The following CSMD1 variants were observed in gnomAD, a reference collection of about 807,000 sequenced individuals.
The protein encoded by CSMD1 is CUB and Sushi multiple domains 1.
A neutral mutation model predicts 417.5 loss-of-function variants in CSMD1; 213 were observed. That is an observed-to-expected ratio of 0.51 (90% CI 0.46 to 0.57). CSMD1 has a LOEUF of 0.57. CSMD1 is among the 20% of genes least tolerant of loss of function. The pLI, the probability that CSMD1 is intolerant of heterozygous loss-of-function variation, is 0.00. For synonymous variants in CSMD1, 2,862 were observed against 1,736.8 expected (o/e 1.65, Z -16.11); for missense variants, 6,923 against 4,529.7 (o/e 1.53, Z -15.17).
At chr8:3,413,715 A>G (rs1488486304) in intron 12 of CSMD1, among the ~76,000 whole-genome samples, 2 of 152,114 alleles carry the variant, frequency 1.3e-5, no homozygotes, top group Non-Finnish European at 2.9e-5. Flanking sequence ...AAGTTTTGCA[A>G]TTTTATTTGA....
At chr8:3,166,477 T>C (rs1417372331) in intron 37 of CSMD1, among the ~76,000 whole-genome samples, 1 of 152,054 alleles carries the variant, frequency 6.6e-6, no homozygotes, top group Non-Finnish European at 1.5e-5. Flanking sequence ...GAGGTTGCAG[T>C]GAGCCAAGGT....
intron 3 of CSMD1, among the ~76,000 whole-genome samples, chr8:4,217,949 C>A (rs1800782116): frequency 6.6e-6 from 1 of 152,156 alleles, no homozygotes. Context: ...TGTGCAGAGG[C>A]TCCAGGTAAT....
chr8:4,084,854 CA>C (rs1377523003), intron 3 of CSMD1, among the ~76,000 whole-genome samples: 2 of 148,162 alleles, frequency 1.3e-5, no homozygotes, highest in Non-Finnish European at 3.0e-5. Context: ...AGAAGAATGA[CA>C]AAAGCATGGT....
intron 2 of CSMD1, among the ~76,000 whole-genome samples, chr8:4,620,804 A>G (rs924712353): frequency 4.6e-5 from 7 of 151,954 alleles, no homozygotes; most frequent in African/African-American, 1.7e-4. Context: ...AGAGAGAGCC[A>G]AATTAGTGAC....
At chr8:4,393,406 C>A (rs1251585023) in intron 3 of CSMD1, among the ~76,000 whole-genome samples, 1 of 152,172 alleles carries the variant, frequency 6.6e-6, no homozygotes, top group Non-Finnish European at 1.5e-5. Flanking sequence ...GTTGTGAAAT[C>A]ATTTAATAGG....
intron 49 of CSMD1, among the ~76,000 whole-genome samples, chr8:3,071,885 T>C (rs1211492014): frequency 6.6e-6 from 1 of 152,198 alleles, no homozygotes; most frequent in Admixed American, 6.5e-5. Context: ...CTGCACCATG[T>C]GCACATAATT....
At chr8:4,107,833 G>T (rs533356211) in intron 3 of CSMD1, among the ~76,000 whole-genome samples, 1 of 152,316 alleles carries the variant, frequency 6.6e-6, no homozygotes, top group East Asian at 1.9e-4. Flanking sequence ...AGAACGAAGA[G>T]ACAGGCTGCA....
intron 6 of CSMD1, among the ~76,000 whole-genome samples, chr8:3,721,138 A>G (rs1322804246): frequency 2.0e-5 from 3 of 152,136 alleles, no homozygotes; most frequent in Non-Finnish European, 4.4e-5. Context: ...CGACTTTTGC[A>G]TAATGGGAAG....
At position 4,396,910 on chromosome 8, in the gene CSMD1, G is replaced by T. The variant is rs187900304; in HGVS notation, c.415+23043C>A. Among the ~76,000 whole-genome samples, 9 of 152,078 alleles carry T rather than the reference G, an allele frequency of 5.9e-5. No homozygotes were observed. The South Asian group carries it at 6.2e-4, about 11-fold the overall frequency. On this transcript the variant is annotated intron_variant, in intron 3 of 69. Transcript: ENST00000635120. ...GGTGGGAGGCAGATGGGAAACAAAA[G>T]ACTACACCTTGGGTACAAGGTACAC...
chr8:3,784,547 T>C (rs1004390502), intron 5 of CSMD1, among the ~76,000 whole-genome samples: 15 of 152,218 alleles, frequency 9.9e-5, no homozygotes, highest in Admixed American at 3.3e-4. Context: ...TGGTCCCTCA[T>C]GGTCATAAAA....
At chr8:4,747,467 G>A (rs746660581) in intron 1 of CSMD1, among the ~76,000 whole-genome samples, 44 of 152,122 alleles carry the variant, frequency 2.9e-4, no homozygotes, top group Non-Finnish European at 4.4e-5. Flanking sequence ...AAGCAGGAAA[G>A]AGAAGAGAAA....
At chr8:4,176,264 C>A (rs1417094756) in intron 3 of CSMD1, among the ~76,000 whole-genome samples, 4 of 152,032 alleles carry the variant, frequency 2.6e-5, no homozygotes, top group African/African-American at 4.8e-5. Context: ...GTAGATTAGA[C>A]TGCAAAAAAT....
chr8:4,922,850 C>G (rs145218301), intron 1 of CSMD1, among the ~76,000 whole-genome samples: 96 of 152,284 alleles, frequency 6.3e-4, no homozygotes, highest in African/African-American at 2.3e-3. Flanking sequence ...CCAAGTTTTT[C>G]CTAGTGCTAA....
chr8:4,219,602 C>G (rs1202855764), intron 3 of CSMD1, among the ~76,000 whole-genome samples: 2 of 152,100 alleles, frequency 1.3e-5, no homozygotes, highest in African/African-American at 2.4e-5. Flanking sequence ...ACGGTTGGCT[C>G]CAACCCAAAA....
rs1816908641 is a variant in CSMD1 at position 3,468,473 on chromosome 8, C to G, written c.1561+239G>C. 2.6e-5 allele frequency among the ~76,000 whole-genome samples: 4 copies of G among 152,174 alleles called. No homozygotes were observed. The South Asian group carries it at 6.2e-4, about 24-fold the overall frequency. ...TCCTAGCTTACACCTAATACTTCACCTCACTCTTTATTTTGGGATAATCAG... is the reference window on the plus strand; with the variant it reads ...TCCTAGCTTACACCTAATACTTCACGTCACTCTTTATTTTGGGATAATCAG... On this transcript the variant is annotated intron_variant, in intron 12 of 69. Transcript: ENST00000635120.
At chr8:3,680,630 C>A (rs1799603324) in intron 7 of CSMD1, among the ~76,000 whole-genome samples, 1 of 152,188 alleles carries the variant, frequency 6.6e-6, no homozygotes, top group African/African-American at 2.4e-5. Context: ...AGGTACCATT[C>A]CTTCTGAAAC....
At chr8:3,202,330 G>A (rs912291755) in intron 31 of CSMD1, among the ~76,000 whole-genome samples, 4 of 152,222 alleles carry the variant, frequency 2.6e-5, no homozygotes, top group Non-Finnish European at 5.9e-5. Context: ...ACATTAATAC[G>A]TTGCCGTATT....
At chr8:3,267,914 G>A (rs1301472310) in intron 26 of CSMD1, among the ~76,000 whole-genome samples, 2 of 152,106 alleles carry the variant, frequency 1.3e-5, no homozygotes, top group African/African-American at 4.8e-5. Context: ...GAGATCAAAG[G>A]GCAGCAGAGG....
At chr8:4,625,323 A>G (rs1802033496) in intron 2 of CSMD1, among the ~76,000 whole-genome samples, 1 of 152,084 alleles carries the variant, frequency 6.6e-6, no homozygotes, top group Admixed American at 6.6e-5. Context: ...TGTCTTAAAA[A>G]GTCTCAATAG....
Sources: allele counts gnomAD v4.1 joint callset (sites outside exome capture counted in the v4.1 genomes callset), GRCh38; gene constraint gnomAD v4.1.1; transcripts MANE v1.5; gene names NCBI Gene and HGNC (gene_info 2026-07-23, HGNC 2026-07-21).